The following ADAMTSL2 variants were observed in gnomAD, a reference collection of about 807,000 sequenced individuals.
ADAMTSL2 encodes ADAMTS-like protein 2.
ADAMTSL2 carries 55 observed loss-of-function variants against 117.0 expected under a neutral mutation model. The observed-to-expected ratio is 0.47, with a 90% CI of 0.38 to 0.59. ADAMTSL2 has a LOEUF of 0.59. Ranked by LOEUF, ADAMTSL2 falls within the 20% of genes least tolerant of loss-of-function variation. The pLI is 0.00. For missense variants in ADAMTSL2, 1,182 were observed against 1,354.5 expected, an observed-to-expected ratio of 0.87 and a Z score of 2.00; for synonymous variants, 572 against 566.4, an observed-to-expected ratio of 1.01 and a Z score of -0.14.
chr9:133,538,490 G>A, intron 4 of ADAMTSL2, 66 bp downstream of exon 4: 1 of 1,572,430 alleles, frequency 6.4e-7, no homozygotes, highest in Non-Finnish European at 8.7e-7. Context: ...TTTTCAGGGG[G>A]TCTTCCAGGT....
rs1830546186 is a variant in ADAMTSL2, at chr9:133,553,990, T to C, written c.940-367T>C. Among the ~76,000 whole-genome samples the C allele has an allele frequency of 2.0e-5, 3 of 152,206 alleles. 1 individual carries two copies. ...GTGATTACTTAGAATTTCTGGCACA[T>C]GGTGAGAAGAAAATGCAGGCCAGGT... is the stretch of plus-strand genomic sequence containing the variant. On this transcript the variant is annotated intron_variant, in intron 9 of 18. Coordinates refer to ENST00000651351, the MANE Select transcript of ADAMTSL2 (RefSeq NM_014694.4).
At chr9:133,551,657 T>C (rs940513908) in intron 9 of ADAMTSL2, among the ~76,000 whole-genome samples, 2 of 152,042 alleles carry the variant, frequency 1.3e-5, no homozygotes, top group African/African-American at 4.8e-5. Context: ...CCCTACAGGC[T>C]TTCCAGAAAT....
At chr9:133,539,377 C>T (rs573868987) in intron 4 of ADAMTSL2, among the ~76,000 whole-genome samples, 26 of 152,298 alleles carry the variant, frequency 1.7e-4, no homozygotes, top group African/African-American at 2.4e-4. Flanking sequence ...GGCCACGGAC[C>T]GTGTGCCAGG....
At position 133,557,242 on chromosome 9, in the gene ADAMTSL2, G is replaced by A. The variant is rs1198326272; in HGVS notation, c.1649+1312G>A. On this transcript the variant is annotated intron_variant, in intron 11 of 18. Transcript: ENST00000651351. This position sits in a 1 kb window ranked among gnomAD's most constrained non-coding sequence, Gnocchi z 5.2. ...GAGCCAGGAGCCCCAGGGGATGCCT[G>A]CCGCTTTTCTCAAACTGTTTTCTGA... is the stretch of plus-strand genomic sequence containing the variant. Among the ~76,000 whole-genome samples the A allele has an allele frequency of 6.6e-6, 1 of 152,206 alleles. No homozygotes were observed. The highest frequency in any genetic ancestry group is 1.5e-5 in the Non-Finnish European group (1 of 68,032).
chr9:133,534,846 C>T lies in ADAMTSL2; in HGVS notation c.-222C>T, dbSNP rs1313322415. 2.1e-5 allele frequency: 31 copies of T among 1,498,026 alleles called. No individual in the cohort carries two copies. Among genetic ancestry groups the T allele is most frequent in the Non-Finnish European group, 2.8e-5 (31 of 1,119,314 alleles). The allele number at this position is 1,498,026 out of a possible 1,614,324, so 92.8% of individuals were successfully genotyped here. Reference sequence around the variant, plus strand: ...TCACGCCGCCCCCGCACGCACAGCGCACCTGGCGCCGTCTGCCCTCCGCAG... The same window carrying T: ...TCACGCCGCCCCCGCACGCACAGCGTACCTGGCGCCGTCTGCCCTCCGCAG... On this transcript the variant is annotated 5_prime_UTR_variant, in exon 1 of 19. Transcript: ENST00000651351.
upstream of ADAMTSL2, chr9:133,534,423 G>A (rs376148923): frequency 3.6e-6 from 1 of 276,230 alleles, no homozygotes. Flanking sequence ...CAGCCTCCCC[G>A]GTAACCTCAG....
upstream of ADAMTSL2, chr9:133,534,310 C>G (rs1464701823): frequency 6.2e-6 from 1 of 161,540 alleles, no homozygotes; most frequent in Non-Finnish European, 1.3e-5. Context: ...AGCCATCAGA[C>G]GGGACACCTC....
At chr9:133,571,341 G>A (rs927639916) in intron 17 of ADAMTSL2, among the ~76,000 whole-genome samples, 3 of 152,308 alleles carry the variant, frequency 2.0e-5, no homozygotes, top group South Asian at 4.1e-4. Flanking sequence ...CCCAGGTGGG[G>A]TGTGGCATCT....
At chr9:133,560,533 A>G (rs1830702213) in intron 11 of ADAMTSL2, among the ~76,000 whole-genome samples, 1 of 152,218 alleles carries the variant, frequency 6.6e-6, no homozygotes, top group African/African-American at 2.4e-5. Flanking sequence ...TCCTAACAAT[A>G]GTTGGCTTTG....
At chr9:133,571,020 G>A (rs62574231) in intron 17 of ADAMTSL2, among the ~76,000 whole-genome samples, 4 of 152,170 alleles carry the variant, frequency 2.6e-5, no homozygotes, top group Admixed American at 6.5e-5. Flanking sequence ...TGGCCCCTCC[G>A]AGATTCTTTG....
chr9:133,555,543 C>T lies in ADAMTSL2; in HGVS notation c.1277-15C>T, dbSNP rs796529127. On this transcript the variant is annotated splice_polypyrimidine_tract_variant and intron_variant, in intron 10 of 18. Transcript: ENST00000651351. ...TCGGATGTGCCCACGGTTGAGCCAC[C>T]TGTCTCCTCTCCAGACCGCAACGTC... The T allele has an allele frequency of 2.5e-6, 4 of 1,612,980 alleles. No individual in the cohort carries two copies. The African/African-American group carries it at 4.0e-5, about 16-fold the overall frequency.
intron 10 of ADAMTSL2, 78 bp from the exon 11 acceptor site, chr9:133,555,480 C>T: frequency 6.3e-7 from 1 of 1,586,028 alleles, no homozygotes; most frequent in Non-Finnish European, 8.6e-7. Flanking sequence ...GCCCCCTCGT[C>T]CAGGTCCCCT....
At chr9:133,560,445 G>T (rs1435191450) in intron 11 of ADAMTSL2, among the ~76,000 whole-genome samples, 1 of 152,218 alleles carries the variant, frequency 6.6e-6, no homozygotes, top group Non-Finnish European at 1.5e-5. Flanking sequence ...CTCCTCCCCT[G>T]CCGAGTCCAG....
intron 3 of ADAMTSL2, 40 bp downstream of exon 3, chr9:133,537,587 G>A: frequency 7.5e-7 from 1 of 1,334,756 alleles, no homozygotes; most frequent in South Asian, 2.6e-5. Flanking sequence ...GATGGCATGA[G>A]GGCAGGGTAG....
upstream of ADAMTSL2, chr9:133,534,406 C>A: frequency 4.1e-6 from 1 of 244,672 alleles, no homozygotes; most frequent in East Asian, 7.9e-5. Flanking sequence ...TGGGGCTTTG[C>A]CACCGCCAGC....
At chr9:133,546,215 T>A (rs9802617) in intron 8 of ADAMTSL2, among the ~76,000 whole-genome samples, 128,559 of 152,052 alleles carry the variant, frequency 0.85, 55,105 homozygotes, top group Non-Finnish European at 0.92. Flanking sequence ...AGCTCTGGGC[T>A]GTTGTTCCAG....
Position 133,554,401 on chromosome 9 carries a change from C to A in ADAMTSL2, c.984C>A (p.Tyr328Ter), listed in dbSNP as rs1200148074. 1.3e-6 allele frequency: 2 copies of A among 1,561,996 alleles called. No individual in the cohort carries two copies. Among genetic ancestry groups the A allele is most frequent in the East Asian group, 2.3e-5 (1 of 42,900 alleles). ...NGKSPSITFE[Y>*]TLLQPPHESR... The stretch of plus-strand genomic sequence containing the variant: ...AAAGCCCCTCCATCACCTTCGAGTA[C>A]ACGCTGCTGCAGCCGCCACACGAGA... The change falls in exon 10 of 19, where the codon TAC becomes TAA. Residue 328 changes from tyrosine to a stop codon, truncating the protein, a stop_gained. Coordinates refer to ENST00000651351, the MANE Select transcript of ADAMTSL2 (RefSeq NM_014694.4). LOFTEE classifies it high-confidence loss of function. This position sits in a 1 kb window ranked among gnomAD's most constrained non-coding sequence, Gnocchi z 5.2.
rs779068361 is a variant in ADAMTSL2 at position 133,557,062 on chromosome 9, C to T, written c.1649+1132C>T. 4.8e-3 allele frequency among the ~76,000 whole-genome samples: 736 copies of T among 152,252 alleles called. 3 individuals are homozygous for T. Among genetic ancestry groups the T allele is most frequent in the Middle Eastern group, 0.014 (4 of 294 alleles). On this transcript the variant is annotated intron_variant, in intron 11 of 18. Coordinates refer to ENST00000651351, the MANE Select transcript of ADAMTSL2 (RefSeq NM_014694.4). This position sits in a 1 kb window ranked among gnomAD's most constrained non-coding sequence, Gnocchi z 5.2. ...TTTAGACGCAAGCATGAACTGAACC[C>T]GGCCTGGGCTGGGAGTGCTGAGTGG...
At chr9:133,549,095 G>A (rs1252532525) in intron 9 of ADAMTSL2, among the ~76,000 whole-genome samples, 1 of 32,656 alleles carries the variant, frequency 3.1e-5, no homozygotes, top group Admixed American at 2.1e-4. Flanking sequence ...TCCGCCTCCC[G>A]GGTTCACGCC....
Sources: gnomAD v4.1 joint callset for allele counts (sites outside exome capture counted in the v4.1 genomes callset) on GRCh38, gnomAD v4.1.1 for gene constraint, Gnocchi (gnomAD v3.1) non-coding constraint, MANE v1.5 for transcripts, NCBI Gene and HGNC (gene_info 2026-07-23, HGNC 2026-07-21) for gene names.